The following GABRE variants were observed in gnomAD, a reference collection of about 807,000 sequenced individuals.
GABRE encodes the protein gamma-aminobutyric acid receptor subunit epsilon.
GABRE carries 20 observed loss-of-function variants against 31.0 expected under a neutral mutation model. The ratio of observed to expected loss-of-function variants is 0.64; its 90% CI spans 0.45 to 0.94. The LOEUF (loss-of-function observed/expected upper bound fraction) is 0.94, where lower values mean the gene tolerates loss of function less well. Among genes scored for constraint, GABRE ranks in the 40% least tolerant of loss-of-function variants. The pLI is 0.00. For missense variants in GABRE, 420 were observed against 410.7 expected (o/e 1.02, Z -0.20); for synonymous variants, 155 against 150.6 (o/e 1.03, Z -0.21).
intron 2 of GABRE, chrX:151,969,980 C>T (rs1443597324): frequency 1.9e-6 from 2 of 1,075,562 alleles, no homozygotes; most frequent in African/African-American, 3.8e-5. Context: ...ACTGGAAAAA[C>T]TGAGGGCGAG....
chrX:151,955,916 A>G (rs981972297), intron 6 of GABRE, 56 bp from the exon 7 acceptor site: 10 of 1,134,162 alleles, frequency 8.8e-6, no homozygotes, highest in South Asian at 7.6e-5. Context: ...GGTCCCCCTT[A>G]GCAGGACGTG....
At chrX:151,974,479 GCGGGGCCGCTGGGGTC>G in intron 1 of GABRE, 75 bp downstream of exon 1, 1 of 618,981 alleles carries the variant, frequency 1.6e-6, no homozygotes, top group Non-Finnish European at 2.4e-6. Context: ...CTCGAGGAAC[GCGGGGCCGCTGGGGTC>G]CCGGGAGCCG....
rs774077841 is a variant in GABRE, at chrX:151,955,819, G to A, written c.826C>T (p.Arg276Trp). The change falls in exon 7 of 9, where the codon CGG becomes TGG. Residue 276 changes from arginine (R) to tryptophan (W), a missense_variant. Coordinates refer to ENST00000370328, the MANE Select transcript of GABRE (RefSeq NM_004961.4). The part of the protein sequence containing the change: ...VMTIFFNVSR[R>W]FGYVAFQNYV... Reference sequence around the variant, plus strand: ...TTTTGAAAGGCAACATAGCCAAACCGCCTGCTCACATTGAAGAAAATCGTC... The same window carrying A: ...TTTTGAAAGGCAACATAGCCAAACCACCTGCTCACATTGAAGAAAATCGTC... The A allele has an allele frequency of 4.1e-6, 5 of 1,210,102 alleles. No individual in the cohort carries two copies. The highest frequency in any genetic ancestry group is 1.8e-5 in the South Asian group (1 of 56,839).
chrX:151,970,018 A>G (rs1376692236), intron 2 of GABRE, 167 bp downstream of exon 2: 4 of 1,094,128 alleles, frequency 3.7e-6, no homozygotes, highest in African/African-American at 3.8e-5. Context: ...ATCAAGGTCA[A>G]TGACACTGCT....
chrX:151,965,583 C>G (rs184170194), intron 3 of GABRE, among the ~76,000 whole-genome samples: 15 of 112,709 alleles, frequency 1.3e-4, no homozygotes, highest in Non-Finnish European at 9.4e-5. Context: ...CAATGGCAGC[C>G]TGGCCCTGGG....
intron 6 of GABRE, chrX:151,959,378 C>A: frequency 4.1e-6 from 1 of 245,284 alleles, no homozygotes; most frequent in East Asian, 1.1e-4. Context: ...TTCCTCCAGA[C>A]TTTCCCAGCC....
intron 6 of GABRE, chrX:151,959,586 C>A (rs1239677219): frequency 2.2e-6 from 1 of 463,624 alleles, no homozygotes; most frequent in African/African-American, 2.4e-5. Flanking sequence ...ATTCCGACAG[C>A]AGCAGAACTT....
intron 6 of GABRE, chrX:151,959,076 A>T (rs190295194): frequency 6.2e-4 from 204 of 328,259 alleles, no homozygotes; most frequent in African/African-American, 5.1e-3. Flanking sequence ...CTTGGTCAGG[A>T]TGTGTGAAGA....
At chrX:151,970,005 T>C in intron 2 of GABRE, 180 bp downstream of exon 2, 1 of 1,088,623 alleles carries the variant, frequency 9.2e-7, no homozygotes, top group Non-Finnish European at 1.2e-6. Context: ...GGGAAAAGTC[T>C]TGATCAAGGT....
rs902680278 is a variant in GABRE, at chrX:151,974,461, G to C, written c.56+109C>G. On this transcript the variant is annotated intron_variant, in intron 1 of 8. Coordinates refer to ENST00000370328, the MANE Select transcript of GABRE (RefSeq NM_004961.4). ...CCGCGGTAGGGCCGGGGCAAAGCGG[G>C]CGCGGGGCTCGAGGAACGCGGGGCC... 6 of 518,279 alleles carry C rather than the reference G, an allele frequency of 1.2e-5. No individual in the cohort carries two copies. In the South Asian group the frequency reaches 2.3e-4, roughly 20 times the overall value. 42.7% of individuals were successfully genotyped at this position (518,279 alleles called of 1,213,427 possible). A position where few individuals can be genotyped will look rare whatever the true frequency, so the allele number is the denominator to read the frequency against.
intron 6 of GABRE, chrX:151,959,093 C>T (rs1417100958): frequency 9.2e-6 from 3 of 326,185 alleles, no homozygotes; most frequent in Non-Finnish European, 1.8e-5. Context: ...AAGAGTGTTT[C>T]CAGGGTTGCT....
At chrX:151,964,603 G>A (rs1934475083) in intron 3 of GABRE, among the ~76,000 whole-genome samples, 1 of 111,299 alleles carries the variant, frequency 9.0e-6, no homozygotes. Flanking sequence ...CACCCTCTCA[G>A]TCCCCACATT....
At chrX:151,957,784 A>G in intron 6 of GABRE, 2 of 217,673 alleles carry the variant, frequency 9.2e-6, no homozygotes, top group Non-Finnish European at 1.7e-5. Context: ...TATGCTAAAG[A>G]TGGTTTTCTG....
chrX:151,955,959 A>G (rs902506775), intron 6 of GABRE, 99 bp from the exon 7 acceptor site: 17 of 822,875 alleles, frequency 2.1e-5, no homozygotes, highest in Non-Finnish European at 2.9e-5. Context: ...AGCTCACAGT[A>G]TTCCCTAGGA....
At position 151,955,800 on chromosome X, in the gene GABRE, A is replaced by G. The variant is rs1569453234; in HGVS notation, c.845T>C (p.Phe282Ser). ...NVSRRFGYVA[F>S]QNYVPSSVTT... ...CACGGAAGAAGGGACATAGTTTTGA[A>G]AGGCAACATAGCCAAACCGCCTGCT... is the stretch of plus-strand genomic sequence containing the variant. The change falls in exon 7 of 9, where the codon TTT becomes TCT. Residue 282 changes from phenylalanine (F) to serine (S), a missense_variant. Transcript: ENST00000370328. 8.3e-7 allele frequency: 1 copy of G among 1,211,891 alleles called. No individual in the cohort carries two copies. Among genetic ancestry groups the G allele is most frequent in the Non-Finnish European group, 1.1e-6 (1 of 895,406 alleles).
intron 6 of GABRE, chrX:151,956,106 G>C: frequency 2.8e-6 from 1 of 363,320 alleles, no homozygotes; most frequent in Non-Finnish European, 4.7e-6. Flanking sequence ...TCAGTTCACT[G>C]TCCTACACCC....
chrX:151,972,736 AT>A, intron 1 of GABRE: 1 of 644,053 alleles, frequency 1.6e-6, no homozygotes, highest in South Asian at 8.0e-5. Flanking sequence ...AAACACAACA[AT>A]AAACAAACAA....
Position 151,955,573 on chromosome X carries a change from A to G in GABRE, c.938-6T>C. On this transcript the variant is annotated splice_region_variant and splice_polypyrimidine_tract_variant and intron_variant, in intron 7 of 8. Transcript: ENST00000370328. Reference sequence around the variant, plus strand: ...GGTCAGAACAGAGGTGATCCCTGCAAGAGCACAAGAGTGATGGGCTCAGCT... The same window carrying G: ...GGTCAGAACAGAGGTGATCCCTGCAGGAGCACAAGAGTGATGGGCTCAGCT... The G allele has an allele frequency of 1.7e-6, 2 of 1,208,115 alleles. No individual in the cohort carries two copies. Among genetic ancestry groups the G allele is most frequent in the African/African-American group, 3.5e-5 (2 of 57,824 alleles).
Position 151,954,398 on chromosome X carries a change from G to A in GABRE, c.*303C>T, listed in dbSNP as rs878895415. ...CCGCCTGTACTTAGGCATGGTTTTA[G>A]GGAGCTGATCACTAAGTGGCTGTGG... On this transcript the variant is annotated 3_prime_UTR_variant, in exon 9 of 9. Transcript: ENST00000370328. 2.8e-5 allele frequency: 7 copies of A among 250,129 alleles called. No homozygotes were observed. In the South Asian group the frequency reaches 9.3e-4, roughly 33 times the overall value. The allele number at this position is 250,129 out of a possible 1,213,427, so 20.6% of individuals were successfully genotyped here. A position where few individuals can be genotyped will look rare whatever the true frequency, so the allele number is the denominator to read the frequency against.
Sources: allele counts gnomAD v4.1 joint callset (sites outside exome capture counted in the v4.1 genomes callset), GRCh38; gene constraint gnomAD v4.1.1; transcripts MANE v1.5; gene names NCBI Gene and HGNC (gene_info 2026-07-23, HGNC 2026-07-21).